ZBTB16: variants seen among roughly 807,000 people sequenced by gnomAD.
ZBTB16 encodes zinc finger and BTB domain-containing protein 16.
Under a neutral mutation model 56.8 loss-of-function variants are expected in ZBTB16, and 8 were observed. The ratio of observed to expected loss-of-function variants is 0.14; its 90% CI spans 0.08 to 0.25. The LOEUF is 0.25. ZBTB16 is among the 10% of genes least tolerant of loss of function. The pLI is 1.00. For synonymous variants in ZBTB16, 363 were observed against 368.5 expected (o/e 0.98, Z 0.17); for missense variants, 625 against 903.0 (o/e 0.69, Z 3.95).
intron 4 of ZBTB16, among the ~76,000 whole-genome samples, chr11:114,235,598 TTCTC>T (rs1403255044): frequency 6.6e-6 from 1 of 151,560 alleles, no homozygotes; most frequent in Non-Finnish European, 1.5e-5. Flanking sequence ...CTTTCTCCCT[TTCTC>T]TCTCTTTCTT....
intron 2 of ZBTB16, among the ~76,000 whole-genome samples, chr11:114,075,207 A>G (rs1258371974): frequency 6.6e-6 from 1 of 152,088 alleles, no homozygotes; most frequent in Non-Finnish European, 1.5e-5. Context: ...TCTGGAATTG[A>G]ACCTGGGTTC....
At chr11:114,117,202 T>G (rs1339961374) in intron 2 of ZBTB16, among the ~76,000 whole-genome samples, 2 of 152,082 alleles carry the variant, frequency 1.3e-5, no homozygotes, top group African/African-American at 2.4e-5. Context: ...GAGCTTGAGA[T>G]GTATAAAGAG....
intron 4 of ZBTB16, among the ~76,000 whole-genome samples, chr11:114,214,605 T>TTTG (rs1022778165): frequency 6.6e-6 from 1 of 152,042 alleles, no homozygotes; most frequent in Admixed American, 6.6e-5. Flanking sequence ...TTTTGGCTTT[T>TTTG]TTGTTGTTGT....
intron 4 of ZBTB16, among the ~76,000 whole-genome samples, chr11:114,193,428 G>A (rs1478582983): frequency 2.6e-5 from 4 of 152,174 alleles, no homozygotes; most frequent in African/African-American, 7.2e-5. Context: ...GCTCAGTGCC[G>A]AGGGGAGATA....
chr11:114,100,574 G>T (rs913538594), intron 2 of ZBTB16, among the ~76,000 whole-genome samples: 1 of 152,124 alleles, frequency 6.6e-6, no homozygotes, highest in African/African-American at 2.4e-5. Flanking sequence ...AACTAAGACC[G>T]ATTTGAGCAA....
intron 4 of ZBTB16, among the ~76,000 whole-genome samples, chr11:114,207,590 A>AC (rs1491175407): frequency 7.3e-4 from 105 of 143,720 alleles, no homozygotes; most frequent in African/African-American, 2.7e-3. Flanking sequence ...ACACACACAC[A>AC]ACACACACAC....
chr11:114,182,856 G>A (rs762184096), intron 3 of ZBTB16, among the ~76,000 whole-genome samples: 9 of 152,212 alleles, frequency 5.9e-5, no homozygotes, highest in Non-Finnish European at 1.2e-4. Context: ...AACAACATAT[G>A]CACAGTAAAC....
At chr11:114,229,724 A>G (rs929612332) in intron 4 of ZBTB16, among the ~76,000 whole-genome samples, 2 of 152,122 alleles carry the variant, frequency 1.3e-5, no homozygotes, top group Non-Finnish European at 2.9e-5. Flanking sequence ...GATGACATGG[A>G]TGCTTAGAAA....
At chr11:114,198,074 G>C (rs1384180643) in intron 4 of ZBTB16, among the ~76,000 whole-genome samples, 1 of 152,048 alleles carries the variant, frequency 6.6e-6, no homozygotes, top group Non-Finnish European at 1.5e-5. Flanking sequence ...CAAGGTGGAG[G>C]GTATCGGGGA....
rs3057730 is a variant in ZBTB16, at chr11:114,166,201, CGTGTGTGTGTGTGTGTGTGTGT to C, written c.1366+9792_1366+9813del. ...TATCGTGGGGCAGAGGACTGGTCTA[CGTGTGTGTGTGTGTGTGTGTGT>C]GTGTGTGTGTGTGTGTGTGTGTGTA... On this transcript the variant is annotated intron_variant, in intron 3 of 6. Coordinates refer to ENST00000335953, the MANE Select transcript of ZBTB16 (RefSeq NM_006006.6). Among the ~76,000 whole-genome samples, 6 of 134,162 alleles carry C rather than the reference CGTGTGTGTGTGTGTGTGTGTGT, an allele frequency of 4.5e-5. No homozygotes were observed. In the East Asian group the frequency reaches 1.1e-3, roughly 25 times the overall value. The allele number at this position is 134,162 out of a possible 152,430, so 88.0% of individuals were successfully genotyped here.
chr11:114,155,401 T>C (rs1337068289), intron 2 of ZBTB16, among the ~76,000 whole-genome samples: 1 of 152,196 alleles, frequency 6.6e-6, no homozygotes, highest in Non-Finnish European at 1.5e-5. Context: ...GTTCCCTGCA[T>C]CTTACCAGCT....
At chr11:114,174,152 C>T (rs894737855) in intron 3 of ZBTB16, among the ~76,000 whole-genome samples, 6 of 152,108 alleles carry the variant, frequency 3.9e-5, no homozygotes, top group Admixed American at 2.6e-4. Flanking sequence ...CTGAGGTCTA[C>T]GCAGAGGCAA....
At chr11:114,226,564 T>C (rs1944331613) in intron 4 of ZBTB16, among the ~76,000 whole-genome samples, 1 of 152,134 alleles carries the variant, frequency 6.6e-6, no homozygotes, top group African/African-American at 2.4e-5. Context: ...AACCACGAAG[T>C]GACATTCTAC....
At chr11:114,079,560 C>T (rs561387655) in intron 2 of ZBTB16, among the ~76,000 whole-genome samples, 1 of 152,322 alleles carries the variant, frequency 6.6e-6, no homozygotes, top group South Asian at 2.1e-4. Flanking sequence ...CTGCCACAGC[C>T]CCACAGAGTT....
intron 2 of ZBTB16, among the ~76,000 whole-genome samples, chr11:114,126,728 C>A (rs958311696): frequency 6.6e-6 from 1 of 151,980 alleles, no homozygotes; most frequent in African/African-American, 2.4e-5. Context: ...GGAGGGAGAC[C>A]CTGTGTGTCC....
At chr11:114,147,878 C>T (rs895055578) in intron 2 of ZBTB16, among the ~76,000 whole-genome samples, 11 of 152,110 alleles carry the variant, frequency 7.2e-5, no homozygotes, top group African/African-American at 2.4e-4. Context: ...CAGATAAGCA[C>T]GCTAAGACCT....
At chr11:114,116,795 C>G (rs948010633) in intron 2 of ZBTB16, among the ~76,000 whole-genome samples, 1 of 152,180 alleles carries the variant, frequency 6.6e-6, no homozygotes, top group African/African-American at 2.4e-5. Context: ...ATGATCACAT[C>G]TGACTTATTT....
chr11:114,148,425 C>CTG (rs1942183368), intron 2 of ZBTB16, among the ~76,000 whole-genome samples: 1 of 16,976 alleles, frequency 5.9e-5, no homozygotes, highest in Non-Finnish European at 1.3e-4. Flanking sequence ...CCCTCCCTCC[C>CTG]TCTCTCTCTC....
intron 4 of ZBTB16, among the ~76,000 whole-genome samples, chr11:114,213,061 C>T (rs1440808211): frequency 6.6e-6 from 1 of 152,030 alleles, no homozygotes; most frequent in East Asian, 1.9e-4. Flanking sequence ...CCCCCCGACC[C>T]CCTGTGTGCC....
Sources: allele counts gnomAD v4.1 joint callset (sites outside exome capture counted in the v4.1 genomes callset), GRCh38; gene constraint gnomAD v4.1.1; transcripts MANE v1.5; gene names NCBI Gene and HGNC (gene_info 2026-07-23, HGNC 2026-07-21).